The following LUC7L3 variants were observed in gnomAD, a reference collection of about 807,000 sequenced individuals.
The protein encoded by LUC7L3 is LUC7 like 3 pre-mRNA splicing factor, also known as luc7-like protein 3.
Under a neutral mutation model 66.8 loss-of-function variants are expected in LUC7L3, and 6 were observed. The ratio of observed to expected loss-of-function variants is 0.09; its 90% CI spans 0.05 to 0.18. The LOEUF is 0.18. LUC7L3 is among the 10% of genes least tolerant of loss of function. LUC7L3 has a pLI of 1.00. For synonymous variants in LUC7L3, 160 were observed against 174.7 expected (o/e 0.92, Z 0.66); for missense variants, 341 against 531.1 (o/e 0.64, Z 3.52).
intron 1 of LUC7L3, among the ~76,000 whole-genome samples, chr17:50,729,810 T>G (rs912209226): frequency 4.0e-5 from 6 of 151,330 alleles, no homozygotes; most frequent in Non-Finnish European, 7.4e-5. Context: ...TTTTAAAATT[T>G]AAGTCCCTGT....
chr17:50,749,950 C>T (rs1970901857), intron 9 of LUC7L3, among the ~76,000 whole-genome samples: 1 of 152,156 alleles, frequency 6.6e-6, no homozygotes, highest in Admixed American at 6.6e-5. Flanking sequence ...CACAAAAGTT[C>T]AGTTGCTTAG....
chr17:50,750,910 C>G lies in LUC7L3; in HGVS notation c.*249C>G, dbSNP rs966347751. On this transcript the variant is annotated 3_prime_UTR_variant, in exon 10 of 10. Coordinates refer to ENST00000505658, the MANE Select transcript of LUC7L3 (RefSeq NM_016424.5). ...GACTCGTGCCCCCATTAGTGTGCCT[C>G]TTTGGAAATTATCGCCCACATTTGT... 6.5e-7 allele frequency: 1 copy of G among 1,534,632 alleles called. No individual in the cohort carries two copies.
Position 50,750,835 on chromosome 17 carries a change from C to T in LUC7L3, c.*174C>T. ...CTTCTGAAGGAAAAGACAGTGTAGT[C>T]CTGCAAAACATTTTGAGGTACATTG... On this transcript the variant is annotated 3_prime_UTR_variant, in exon 10 of 10. Coordinates refer to ENST00000505658, the MANE Select transcript of LUC7L3 (RefSeq NM_016424.5). 6.5e-7 allele frequency: 1 copy of T among 1,541,514 alleles called. No individual in the cohort carries two copies. The highest frequency in any genetic ancestry group is 2.4e-5 in the East Asian group (1 of 40,952).
At chr17:50,734,040 T>C (rs977928453) in intron 1 of LUC7L3, among the ~76,000 whole-genome samples, 3 of 152,224 alleles carry the variant, frequency 2.0e-5, no homozygotes, top group Non-Finnish European at 4.4e-5. Context: ...GAAAATCATA[T>C]GGCATCACAA....
intron 9 of LUC7L3, 34 bp from the exon 10 acceptor site, chr17:50,750,467 T>C (rs771520370): frequency 6.3e-7 from 1 of 1,577,938 alleles, no homozygotes; most frequent in Non-Finnish European, 8.6e-7. Context: ...TATTTTACTT[T>C]AAAATCCATG....
rs571065372 is a variant in LUC7L3, at chr17:50,728,733, T to C, written c.100-8227T>C. Among the ~76,000 whole-genome samples the C allele has an allele frequency of 4.6e-5, 7 of 152,312 alleles. No homozygotes were observed. The South Asian group carries it at 1.5e-3, about 32-fold the overall frequency. On this transcript the variant is annotated intron_variant, in intron 1 of 9. Coordinates refer to ENST00000505658, the MANE Select transcript of LUC7L3 (RefSeq NM_016424.5). ...CATGCTTGGCTAATTTTTGTATTTT[T>C]AGTAGAGACGGCGTTTCGCCATTTT... is the stretch of plus-strand genomic sequence containing the variant.
At chr17:50,719,906 G>C in intron 1 of LUC7L3, 75 bp downstream of exon 1, 1 of 1,405,648 alleles carries the variant, frequency 7.1e-7, no homozygotes, top group Non-Finnish European at 9.7e-7. Context: ...GGCCCTCCTG[G>C]CCGCGGCGCG....
chr17:50,721,362 T>A (rs956380914), intron 1 of LUC7L3, among the ~76,000 whole-genome samples: 2 of 152,222 alleles, frequency 1.3e-5, no homozygotes, highest in Admixed American at 1.3e-4. Context: ...GGTAATTTGT[T>A]GCCACATTGC....
intron 9 of LUC7L3, among the ~76,000 whole-genome samples, chr17:50,750,206 T>C (rs1970913461): frequency 6.6e-6 from 1 of 152,168 alleles, no homozygotes; most frequent in Non-Finnish European, 1.5e-5. Context: ...CTTTTTGATG[T>C]TTTTTACCCA....
rs1223009520 is a variant in LUC7L3 at position 50,738,178 on chromosome 17, TC to T, written c.166+1154del. 1.5e-5 allele frequency: 7 copies of T among 455,850 alleles called. 1 individual carries two copies. Among genetic ancestry groups the T allele is most frequent in the South Asian group, 1.1e-4 (7 of 64,504 alleles). 28.2% of individuals were successfully genotyped at this position (455,850 alleles called of 1,614,324 possible). A position where few individuals can be genotyped will look rare whatever the true frequency, so the allele number is the denominator to read the frequency against. On this transcript the variant is annotated intron_variant, in intron 2 of 9. Coordinates refer to ENST00000505658, the MANE Select transcript of LUC7L3 (RefSeq NM_016424.5). ...TTCTTCTCTAGAGAAAGTGAACAGT[TC>T]CTGAGAAGTGATCTCTGCAGGTACT...
chr17:50,746,218 C>A (rs1970657581), intron 8 of LUC7L3, among the ~76,000 whole-genome samples: 1 of 152,130 alleles, frequency 6.6e-6, no homozygotes, highest in Non-Finnish European at 1.5e-5. Context: ...TTTCACCCAA[C>A]CTTTTTACAA....
chr17:50,743,217 A>G (rs547193984), intron 5 of LUC7L3, among the ~76,000 whole-genome samples: 2 of 152,024 alleles, frequency 1.3e-5, no homozygotes, highest in East Asian at 3.9e-4. Context: ...TTTAAAAAAA[A>G]AAACAGAGTC....
In LUC7L3 at chr17:50,756,133, G is replaced by A. The variant is rs755554231; in HGVS notation, c.*5472G>A. On this transcript the variant is annotated 3_prime_UTR_variant, in exon 10 of 10. Coordinates refer to ENST00000505658, the MANE Select transcript of LUC7L3 (RefSeq NM_016424.5). The stretch of plus-strand genomic sequence containing the variant: ...TGAGGGTCTGTTTCTGAAGCCTGTG[G>A]GCATTTCCTTTTTTAATCTGTATGT... 3.3e-5 allele frequency: 5 copies of A among 152,088 alleles called. No homozygotes were observed. Among genetic ancestry groups the A allele is most frequent in the South Asian group, 2.1e-4 (1 of 4,824 alleles). 9.4% of individuals were successfully genotyped at this position (152,088 alleles called of 1,614,324 possible). A position where few individuals can be genotyped will look rare whatever the true frequency, so the allele number is the denominator to read the frequency against.
At chr17:50,724,184 CT>C in intron 1 of LUC7L3, 2 of 259,286 alleles carry the variant, frequency 7.7e-6, no homozygotes, top group South Asian at 6.1e-5. Flanking sequence ...TATTGTCAAC[CT>C]TAAAGCGGTC....
intron 5 of LUC7L3, among the ~76,000 whole-genome samples, chr17:50,742,097 T>C (rs1159081108): frequency 2.0e-5 from 3 of 152,152 alleles, no homozygotes; most frequent in Non-Finnish European, 4.4e-5. Context: ...TGTGTGTACA[T>C]GTACATATAT....
chr17:50,746,431 A>G, intron 8 of LUC7L3, 111 bp from the exon 9 acceptor site: 1 of 909,028 alleles, frequency 1.1e-6, no homozygotes, highest in Non-Finnish European at 1.7e-6. Context: ...TAATGTAAAT[A>G]TGTTTTAGAG....
At chr17:50,720,750 A>G (rs1308244471) in intron 1 of LUC7L3, among the ~76,000 whole-genome samples, 1 of 152,240 alleles carries the variant, frequency 6.6e-6, no homozygotes, top group South Asian at 2.1e-4. Flanking sequence ...AGTTCAGGTA[A>G]TGCATGCTTC....
chr17:50,749,384 T>C, intron 9 of LUC7L3: 6 of 1,262,398 alleles, frequency 4.8e-6, no homozygotes, highest in South Asian at 1.3e-5. Context: ...TTCTCACAAG[T>C]GGACAGACAG....
chr17:50,724,969 C>CG (rs1345194901), intron 1 of LUC7L3, among the ~76,000 whole-genome samples: 1 of 151,912 alleles, frequency 6.6e-6, no homozygotes, highest in Non-Finnish European at 1.5e-5. Flanking sequence ...CCATGTTTGC[C>CG]GGGCTGGTCT....
Sources: allele counts gnomAD v4.1 joint callset (sites outside exome capture counted in the v4.1 genomes callset), GRCh38; gene constraint gnomAD v4.1.1; transcripts MANE v1.5; gene names NCBI Gene and HGNC (gene_info 2026-07-23, HGNC 2026-07-21).